YARS1: variants seen among roughly 807,000 people sequenced by gnomAD.
YARS1 encodes tyrosine--tRNA ligase, cytoplasmic.
Under a neutral mutation model 62.2 loss-of-function variants are expected in YARS1, and 36 were observed. That is an observed-to-expected ratio of 0.58 (90% CI 0.44 to 0.76). YARS1 has a LOEUF of 0.76. YARS1 is among the 30% of genes least tolerant of loss of function. The pLI, the probability that YARS1 is intolerant of heterozygous loss-of-function variation, is 0.00. For missense variants in YARS1, 524 were observed against 639.8 expected (o/e 0.82, Z 1.95); for synonymous variants, 234 against 244.9 (o/e 0.96, Z 0.42).
At chr1:32,817,104 C>T in intron 1 of YARS1, 84 bp downstream of exon 1, 1 of 1,564,920 alleles carries the variant, frequency 6.4e-7, no homozygotes, top group Admixed American at 1.7e-5. Context: ...GCCCCACATA[C>T]TTAGAACCCC....
At chr1:32,788,345 C>A (rs758343697) in intron 6 of YARS1, among the ~76,000 whole-genome samples, 3 of 152,114 alleles carry the variant, frequency 2.0e-5, no homozygotes, top group Non-Finnish European at 4.4e-5. Flanking sequence ...CGAACTCCTG[C>A]CATTAAGTGA....
At chr1:32,805,251 GAGGGGGA>G (rs1638431068) in intron 4 of YARS1, among the ~76,000 whole-genome samples, 1 of 117,134 alleles carries the variant, frequency 8.5e-6, no homozygotes, top group Admixed American at 8.3e-5. Flanking sequence ...GAGAGGGGGA[GAGGGGGA>G]GAGGGGGAGA....
chr1:32,792,213 AAAG>A (rs2148606979), intron 5 of YARS1, among the ~76,000 whole-genome samples: 1 of 152,300 alleles, frequency 6.6e-6, no homozygotes, highest in African/African-American at 2.4e-5. Context: ...AGCTCCAATC[AAAG>A]TAGAGAAGGC....
intron 5 of YARS1, chr1:32,797,474 G>T (rs907594340): frequency 5.2e-5 from 25 of 481,100 alleles, no homozygotes; most frequent in Non-Finnish European, 1.5e-5. Flanking sequence ...TGGAAACTGG[G>T]CTATTAGGAA....
chr1:32,808,831 G>A (rs996611860), intron 3 of YARS1, among the ~76,000 whole-genome samples: 1 of 152,164 alleles, frequency 6.6e-6, no homozygotes, highest in Admixed American at 6.5e-5. Flanking sequence ...CTTTGTTTCA[G>A]CTATCGCCAT....
intron 4 of YARS1, among the ~76,000 whole-genome samples, chr1:32,803,982 C>T (rs1044433705): frequency 5.3e-5 from 8 of 152,158 alleles, no homozygotes; most frequent in African/African-American, 1.9e-4. Flanking sequence ...TTTAACAAAG[C>T]ACATCTTGCA....
At chr1:32,814,337 C>T (rs1478290186) in intron 1 of YARS1, among the ~76,000 whole-genome samples, 2 of 152,112 alleles carry the variant, frequency 1.3e-5, no homozygotes, top group African/African-American at 2.4e-5. Context: ...CCAGGATTAC[C>T]GTAACATTCT....
At chr1:32,814,896 G>C (rs140309395) in intron 1 of YARS1, among the ~76,000 whole-genome samples, 1 of 152,332 alleles carries the variant, frequency 6.6e-6, no homozygotes, top group East Asian at 1.9e-4. Flanking sequence ...CAGAAACCAT[G>C]ATAGACTGCT....
intron 1 of YARS1, among the ~76,000 whole-genome samples, chr1:32,816,062 T>C (rs1370378154): frequency 6.8e-6 from 1 of 148,100 alleles, no homozygotes; most frequent in African/African-American, 2.5e-5. Flanking sequence ...TGAGCCGAGA[T>C]TGGGCCACTG....
At chr1:32,801,342 T>G (rs929846613) in intron 4 of YARS1, among the ~76,000 whole-genome samples, 3 of 152,150 alleles carry the variant, frequency 2.0e-5, no homozygotes, top group Non-Finnish European at 4.4e-5. Context: ...TCGGTGCATA[T>G]AAAAGTTGTG....
chr1:32,775,725 C>G lies in YARS1; in HGVS notation c.*256G>C, dbSNP rs1652833087. 1.8e-6 allele frequency: 1 copy of G among 554,216 alleles called. No homozygotes were observed. The highest frequency in any genetic ancestry group is 3.2e-6 in the Non-Finnish European group (1 of 309,532). 34.3% of individuals were successfully genotyped at this position (554,216 alleles called of 1,614,324 possible). On this transcript the variant is annotated 3_prime_UTR_variant, in exon 13 of 13. Transcript: ENST00000373477. ...ATTGAAACCAGATTTCTCCAGCTGC[C>G]AAGGGAAGAAGGTAGGGCTGGACTC...
At chr1:32,780,305 G>A in intron 10 of YARS1, 27 bp from the exon 11 acceptor site, 2 of 1,613,414 alleles carry the variant, frequency 1.2e-6, no homozygotes, top group Middle Eastern at 1.6e-4. Context: ...TCAGGAGGAA[G>A]AGGATCATCG....
chr1:32,786,061 G>C (rs1653216682), intron 8 of YARS1, among the ~76,000 whole-genome samples: 1 of 152,088 alleles, frequency 6.6e-6, no homozygotes, highest in Non-Finnish European at 1.5e-5. Context: ...TTACTGATAA[G>C]AAATGTTTCC....
In YARS1 at chr1:32,790,933, C is replaced by T. The variant is rs1653394419; in HGVS notation, c.684+229G>A. The T allele has an allele frequency of 5.6e-6, 3 of 535,036 alleles. No individual in the cohort carries two copies. In the Admixed American group the frequency reaches 9.4e-5, roughly 17 times the overall value. The allele number at this position is 535,036 out of a possible 1,614,324, so 33.1% of individuals were successfully genotyped here. On this transcript the variant is annotated intron_variant, in intron 6 of 12. Transcript: ENST00000373477. ...CGTATGAACAAAGACATTACTTTTGCTTTTATTTTTTTATCAGCAGCAAAA... is the reference window on the plus strand; with the variant it reads ...CGTATGAACAAAGACATTACTTTTGTTTTTATTTTTTTATCAGCAGCAAAA...
intron 5 of YARS1, among the ~76,000 whole-genome samples, chr1:32,795,363 T>C (rs1189790943): frequency 6.6e-6 from 1 of 152,076 alleles, no homozygotes; most frequent in Non-Finnish European, 1.5e-5. Flanking sequence ...TTACTCCAAC[T>C]GTTGTTGGAG....
At chr1:32,783,100 C>G (rs1653113285) in intron 8 of YARS1, 1 of 157,014 alleles carries the variant, frequency 6.4e-6, no homozygotes, top group Non-Finnish European at 1.4e-5. Flanking sequence ...AGGCAATCTG[C>G]CTGCTTCTGC....
rs1330697192 is a variant in YARS1 at position 32,805,260 on chromosome 1, AGGGG to A, written c.510+1218_510+1221del. Among the ~76,000 whole-genome samples, 4 of 110,078 alleles carry A rather than the reference AGGGG, an allele frequency of 3.6e-5. No individual in the cohort carries two copies. In the East Asian group the frequency reaches 9.0e-4, roughly 25 times the overall value. The allele number at this position is 110,078 out of a possible 152,430, so 72.2% of individuals were successfully genotyped here. A position where few individuals can be genotyped will look rare whatever the true frequency, so the allele number is the denominator to read the frequency against. On this transcript the variant is annotated intron_variant, in intron 4 of 12. Transcript: ENST00000373477. The stretch of plus-strand genomic sequence containing the variant: ...GAGGGGGAGAGGGGGAGAGGGGGAG[AGGGG>A]GAGAGGGAGAGAGGGAGAGAGGGAG...
At chr1:32,789,238 C>T (rs1294674802) in intron 6 of YARS1, among the ~76,000 whole-genome samples, 2 of 152,206 alleles carry the variant, frequency 1.3e-5, no homozygotes, top group African/African-American at 4.8e-5. Context: ...TATAATGCTA[C>T]ATTGGACATC....
intron 4 of YARS1, among the ~76,000 whole-genome samples, chr1:32,799,040 C>T (rs1653694299): frequency 6.6e-6 from 1 of 152,126 alleles, no homozygotes; most frequent in Non-Finnish European, 1.5e-5. Flanking sequence ...ACAGTGTTGA[C>T]ATAAAAGAAG....
Sources: allele counts gnomAD v4.1 joint callset (sites outside exome capture counted in the v4.1 genomes callset), GRCh38; gene constraint gnomAD v4.1.1; transcripts MANE v1.5; gene names NCBI Gene and HGNC (gene_info 2026-07-23, HGNC 2026-07-21).